The following DNAJC3 variants were observed in gnomAD, a reference collection of about 807,000 sequenced individuals.
DNAJC3 encodes dnaJ homolog subfamily C member 3.
Under a neutral mutation model 68.6 loss-of-function variants are expected in DNAJC3, and 38 were observed. That is an observed-to-expected ratio of 0.55 (90% CI 0.43 to 0.73). DNAJC3 has a LOEUF of 0.73. DNAJC3 is among the 30% of genes least tolerant of loss of function. The probability of loss-of-function intolerance (pLI) is 0.00; values close to 1 mark genes in which losing one functional copy is unlikely to be tolerated. For synonymous variants in DNAJC3, 203 were observed against 204.0 expected, an observed-to-expected ratio of 1.00 and a Z score of 0.04; for missense variants, 526 against 591.9, an observed-to-expected ratio of 0.89 and a Z score of 1.16.
intron 3 of DNAJC3, 119 bp from the exon 4 acceptor site, chr13:95,725,059 G>A (rs946775867): frequency 1.0e-5 from 6 of 592,978 alleles, no homozygotes; most frequent in African/African-American, 7.7e-5. Flanking sequence ...CAAGTCAGAT[G>A]TGCACTGGAA....
intron 1 of DNAJC3, among the ~76,000 whole-genome samples, chr13:95,702,598 T>C (rs1263007266): frequency 6.6e-6 from 1 of 152,188 alleles, no homozygotes; most frequent in Non-Finnish European, 1.5e-5. Flanking sequence ...AGGAGCTTGT[T>C]TTCCCCTTTC....
rs1883824013 is a variant in DNAJC3, at chr13:95,792,896, A to AAAAG, written c.*1869_*1872dup. The AAAAG allele has an allele frequency of 6.6e-6, 1 of 152,188 alleles. No homozygotes were observed. The highest frequency in any genetic ancestry group is 6.5e-5 in the Admixed American group (1 of 15,284). 9.4% of individuals were successfully genotyped at this position (152,188 alleles called of 1,614,324 possible). ...ATAGTGATGGCTTTTACCTACTTTG[A>AAAAG]AAAGAATTTTCACATAGAGTCAGAA... On this transcript the variant is annotated 3_prime_UTR_variant, in exon 12 of 12. Transcript: ENST00000602402.
chr13:95,699,884 G>C lies in DNAJC3; in HGVS notation c.83-9343G>C, dbSNP rs1731840453. On this transcript the variant is annotated intron_variant, in intron 1 of 11. Coordinates refer to ENST00000602402, the MANE Select transcript of DNAJC3 (RefSeq NM_006260.5). Reference sequence around the variant, plus strand: ...GGATCATGCTCTGTTGCCCAGACTGGAGTGCAGTGGCATGATTGTAGCACC... The same window carrying C: ...GGATCATGCTCTGTTGCCCAGACTGCAGTGCAGTGGCATGATTGTAGCACC... Among the ~76,000 whole-genome samples the C allele has an allele frequency of 1.3e-5, 2 of 152,048 alleles. 1 individual carries two copies. The highest frequency in any genetic ancestry group is 4.2e-4 in the South Asian group (2 of 4,818).
chr13:95,722,157 G>A lies in DNAJC3; in HGVS notation c.194-1085G>A, dbSNP rs547179702. Among the ~76,000 whole-genome samples, 47 of 152,204 alleles carry A rather than the reference G, an allele frequency of 3.1e-4. No homozygotes were observed. In the South Asian group the frequency reaches 8.5e-3, roughly 28 times the overall value. ...CTGAATCCACTCTTTTCTGTACTTC[G>A]TAGGTGCTGATAAGCAGAGTAAAAT... On this transcript the variant is annotated intron_variant, in intron 2 of 11. Coordinates refer to ENST00000602402, the MANE Select transcript of DNAJC3 (RefSeq NM_006260.5).
chr13:95,767,138 C>T (rs190656031), intron 9 of DNAJC3, among the ~76,000 whole-genome samples: 1 of 152,240 alleles, frequency 6.6e-6, no homozygotes, highest in East Asian at 1.9e-4. Context: ...ACTTTTTCAT[C>T]GTGCAAATCT....
chr13:95,755,474 A>C (rs565411225), intron 4 of DNAJC3, among the ~76,000 whole-genome samples: 1 of 151,876 alleles, frequency 6.6e-6, no homozygotes, highest in Non-Finnish European at 1.5e-5. Context: ...GAATAAAAAA[A>C]TGGGCCTGGC....
chr13:95,725,998 A>G (rs1242244337), intron 4 of DNAJC3, among the ~76,000 whole-genome samples: 8 of 152,072 alleles, frequency 5.3e-5, no homozygotes, highest in African/African-American at 1.2e-4. Context: ...TACAAAGGAC[A>G]TGAACTCTTC....
chr13:95,740,311 G>C (rs945967948), intron 4 of DNAJC3, among the ~76,000 whole-genome samples: 8 of 152,264 alleles, frequency 5.3e-5, no homozygotes, highest in African/African-American at 1.9e-4. Flanking sequence ...GAGGCAGGCA[G>C]GCCTCCTTGA....
chr13:95,766,125 T>C lies in DNAJC3; in HGVS notation c.1075+2172T>C, dbSNP rs377672549. The stretch of plus-strand genomic sequence containing the variant: ...TTCAGTTGAAATCTTGAGTTAGAAA[T>C]ATGCTTTCCATATTCTTCTGCTTCC... On this transcript the variant is annotated intron_variant, in intron 9 of 11. Transcript: ENST00000602402. Among the ~76,000 whole-genome samples, 12 of 152,314 alleles carry C rather than the reference T, an allele frequency of 7.9e-5. 1 individual carries two copies. In the South Asian group the frequency reaches 2.5e-3, roughly 32 times the overall value.
chr13:95,769,912 G>A (rs1037688236), intron 9 of DNAJC3, among the ~76,000 whole-genome samples: 2 of 152,220 alleles, frequency 1.3e-5, no homozygotes, highest in Non-Finnish European at 2.9e-5. Flanking sequence ...TGTAGGTGAG[G>A]AAGTAGGAAA....
At chr13:95,753,783 A>C (rs774896348) in intron 4 of DNAJC3, among the ~76,000 whole-genome samples, 2 of 152,224 alleles carry the variant, frequency 1.3e-5, no homozygotes, top group African/African-American at 2.4e-5. Context: ...TATGTGTTAC[A>C]TAGAGTATCT....
chr13:95,784,584 C>G (rs1213715780), intron 9 of DNAJC3, among the ~76,000 whole-genome samples: 1 of 152,092 alleles, frequency 6.6e-6, no homozygotes, highest in African/African-American at 2.4e-5. Context: ...CACCAAAATC[C>G]CAGACTCCCA....
intron 4 of DNAJC3, among the ~76,000 whole-genome samples, chr13:95,738,017 G>A (rs1484040981): frequency 2.2e-5 from 3 of 135,178 alleles, no homozygotes; most frequent in African/African-American, 8.5e-5. Context: ...ATTCTGGTAT[G>A]TTGTGTCTTT....
intron 1 of DNAJC3, among the ~76,000 whole-genome samples, chr13:95,690,467 T>C (rs1365891448): frequency 6.6e-6 from 1 of 151,412 alleles, no homozygotes; most frequent in Non-Finnish European, 1.5e-5. Flanking sequence ...AAACCGCCAT[T>C]GTCATCATGG....
At chr13:95,789,551 A>G (rs1275883664) in intron 11 of DNAJC3, among the ~76,000 whole-genome samples, 1 of 152,182 alleles carries the variant, frequency 6.6e-6, no homozygotes, top group African/African-American at 2.4e-5. Context: ...TATCCAGTCT[A>G]TCATTGATGG....
intron 1 of DNAJC3, among the ~76,000 whole-genome samples, chr13:95,699,420 T>C (rs1880530177): frequency 6.6e-6 from 1 of 152,176 alleles, no homozygotes; most frequent in African/African-American, 2.4e-5. Flanking sequence ...GTTCAAATAA[T>C]TTTGCACATG....
intron 4 of DNAJC3, among the ~76,000 whole-genome samples, chr13:95,730,168 A>AT (rs764843581): frequency 8.6e-5 from 13 of 151,940 alleles, no homozygotes; most frequent in East Asian, 1.9e-4. Flanking sequence ...ATTTTAAAAC[A>AT]TTTTTTGTAG....
intron 1 of DNAJC3, among the ~76,000 whole-genome samples, 157 bp downstream of exon 1, chr13:95,677,494 TTCCGGGTTTGTCTG>T (rs1879790691): frequency 6.6e-6 from 1 of 152,038 alleles, no homozygotes; most frequent in Non-Finnish European, 1.5e-5. Flanking sequence ...CCGCGCCCGG[TTCCGGGTTTGTCTG>T]GGGAAGAATC....
chr13:95,713,374 T>G (rs1881037227), intron 2 of DNAJC3, among the ~76,000 whole-genome samples: 1 of 151,376 alleles, frequency 6.6e-6, no homozygotes, highest in East Asian at 1.9e-4. Flanking sequence ...AGCAACAGAG[T>G]CTCTCTATAT....
Sources: allele counts gnomAD v4.1 joint callset (sites outside exome capture counted in the v4.1 genomes callset), GRCh38; gene constraint gnomAD v4.1.1; transcripts MANE v1.5; gene names NCBI Gene and HGNC (gene_info 2026-07-23, HGNC 2026-07-21).